Variants in SLC16A6 observed in about 807,000 individuals in gnomAD.
SLC16A6 encodes monocarboxylate transporter 7.
SLC16A6 carries 15 observed loss-of-function variants against 33.8 expected under a neutral mutation model. That is an observed-to-expected ratio of 0.44 (90% CI 0.30 to 0.68). SLC16A6 has a LOEUF of 0.68. SLC16A6 is among the 30% of genes least tolerant of loss of function. SLC16A6 has a pLI of 0.10. For synonymous variants in SLC16A6, 219 were observed against 248.4 expected (o/e 0.88, Z 1.11); for missense variants, 451 against 661.5 (o/e 0.68, Z 3.49).
At chr17:68,270,372 G>A (rs782761507) in intron 5 of SLC16A6, among the ~76,000 whole-genome samples, 9 of 152,016 alleles carry the variant, frequency 5.9e-5, no homozygotes, top group Non-Finnish European at 1.2e-4. Flanking sequence ...TGGCCAACAT[G>A]GTGAAACCCC....
Position 68,281,592 on chromosome 17 carries a change from A to T in SLC16A6, c.-7-3265T>A, listed in dbSNP as rs150606383. On this transcript the variant is annotated intron_variant, in intron 1 of 5. Transcript: ENST00000580666. ...CTGTCTCAAATAAATAAATAAATAA[A>T]TAAAATGGGTGAATAATCTGAGCAG... Among the ~76,000 whole-genome samples, 9 of 152,276 alleles carry T rather than the reference A, an allele frequency of 5.9e-5. No individual in the cohort carries two copies. In the East Asian group the frequency reaches 1.7e-3, roughly 29 times the overall value.
chr17:68,287,955 C>T (rs899430472), intron 1 of SLC16A6, among the ~76,000 whole-genome samples: 7 of 142,494 alleles, frequency 4.9e-5, no homozygotes, highest in African/African-American at 1.8e-4. Flanking sequence ...CTCTCTCTTT[C>T]TCTCTCTCTC....
Position 68,271,788 on chromosome 17 carries a change from A to G in SLC16A6, c.506-134T>C, listed in dbSNP as rs2075348227. The G allele has an allele frequency of 4.5e-6, 3 of 668,650 alleles. No individual in the cohort carries two copies. Among genetic ancestry groups the G allele is most frequent in the African/African-American group, 3.6e-5 (2 of 54,832 alleles). 41.4% of individuals were successfully genotyped at this position (668,650 alleles called of 1,614,324 possible). ...GTGGAAATTTATTATACTCAGCAGTATGAATGTACTCAATCTTTATTTATT... is the reference window on the plus strand; with the variant it reads ...GTGGAAATTTATTATACTCAGCAGTGTGAATGTACTCAATCTTTATTTATT... On this transcript the variant is annotated intron_variant, in intron 4 of 5. Transcript: ENST00000580666. The surrounding 1 kb of genome is among the most constrained non-coding windows in gnomAD (Gnocchi z 5.3).
rs1319946002 is a variant in SLC16A6 at position 68,267,625 on chromosome 17, C to T, written c.*1471G>A. 6.6e-6 allele frequency: 1 copy of T among 152,124 alleles called. No individual in the cohort carries two copies. Among genetic ancestry groups the T allele is most frequent in the Admixed American group, 6.6e-5 (1 of 15,266 alleles). 9.4% of individuals were successfully genotyped at this position (152,124 alleles called of 1,614,324 possible). A position where few individuals can be genotyped will look rare whatever the true frequency, so the allele number is the denominator to read the frequency against. ...TAAAGATGGAGCAGCAAGCATTGACCATCACCTGCAGGGTGAGATTGTGGT... is the reference window on the plus strand; with the variant it reads ...TAAAGATGGAGCAGCAAGCATTGACTATCACCTGCAGGGTGAGATTGTGGT... On this transcript the variant is annotated 3_prime_UTR_variant, in exon 6 of 6. Transcript: ENST00000580666.
At chr17:68,281,951 C>T (rs2075708906) in intron 1 of SLC16A6, among the ~76,000 whole-genome samples, 1 of 152,152 alleles carries the variant, frequency 6.6e-6, no homozygotes, top group Non-Finnish European at 1.5e-5. Flanking sequence ...GGCAATTCCT[C>T]AAGGATCTAG....
chr17:68,281,788 A>G (rs2075703998), intron 1 of SLC16A6, among the ~76,000 whole-genome samples: 1 of 152,204 alleles, frequency 6.6e-6, no homozygotes, highest in South Asian at 2.1e-4. Flanking sequence ...GGATGCGGAG[A>G]AAAGAACTCT....
chr17:68,267,648 G>A lies in SLC16A6; in HGVS notation c.*1448C>T, dbSNP rs1419962436. ...ACCATCACCTGCAGGGTGAGATTGT[G>A]GTAAAATAGGTGAGTAAAAAGTCCA... On this transcript the variant is annotated 3_prime_UTR_variant, in exon 6 of 6. Coordinates refer to ENST00000580666, the MANE Select transcript of SLC16A6 (RefSeq NM_004694.5). The A allele has an allele frequency of 1.3e-5, 2 of 152,072 alleles. No individual in the cohort carries two copies. The highest frequency in any genetic ancestry group is 4.8e-5 in the African/African-American group (2 of 41,398). 9.4% of individuals were successfully genotyped at this position (152,072 alleles called of 1,614,324 possible).
At chr17:68,291,390 T>C (rs1555755881), upstream of SLC16A6, 1 of 145,476 alleles carries the variant, frequency 6.9e-6, no homozygotes, top group Non-Finnish European at 1.5e-5. Context: ...TCTTATCCTA[T>C]ACCGGCTGCA....
chr17:68,285,090 G>A (rs1320831233), intron 1 of SLC16A6, among the ~76,000 whole-genome samples: 2 of 152,200 alleles, frequency 1.3e-5, no homozygotes, highest in African/African-American at 2.4e-5. Flanking sequence ...TGATGATGAT[G>A]CTAAGGAAAA....
intron 1 of SLC16A6, among the ~76,000 whole-genome samples, chr17:68,290,055 A>G (rs536556242): frequency 8.5e-5 from 13 of 152,286 alleles, no homozygotes; most frequent in African/African-American, 3.1e-4. Flanking sequence ...CATCTTTTTT[A>G]CAAGCAAGAC....
chr17:68,269,906 C>G (rs1353405666), intron 5 of SLC16A6, among the ~76,000 whole-genome samples: 2 of 151,920 alleles, frequency 1.3e-5, no homozygotes, highest in African/African-American at 4.8e-5. Flanking sequence ...CTCCTGACCT[C>G]AAATGATCCG....
intron 1 of SLC16A6, among the ~76,000 whole-genome samples, chr17:68,288,199 A>C (rs1421403574): frequency 6.6e-6 from 1 of 151,372 alleles, no homozygotes; most frequent in Non-Finnish European, 1.5e-5. Flanking sequence ...ACAGGGTTTC[A>C]CCATGTTGGT....
Position 68,271,184 on chromosome 17 carries a change from G to A in SLC16A6, c.976C>T (p.Gln326Ter). The stretch of plus-strand genomic sequence containing the variant: ...GATAATAAAAAAGCAGCGCGGTCCT[G>A]GTCAATGCCCAGACTAATGCCCAGA... ...IPLGISLGID[Q>*]DRAAFLLSTM... Residue 326 changes from glutamine to a stop codon, truncating the protein, a stop_gained, in exon 5 of 6, where the codon CAG becomes TAG. Transcript: ENST00000580666. LOFTEE classifies it high-confidence loss of function. The surrounding 1 kb of genome is among the most constrained non-coding windows in gnomAD (Gnocchi z 5.3). The A allele has an allele frequency of 6.2e-7, 1 of 1,614,012 alleles. No homozygotes were observed. The highest frequency in any genetic ancestry group is 8.5e-7 in the Non-Finnish European group (1 of 1,180,044).
chr17:68,290,526 G>A (rs1411485644), intron 1 of SLC16A6, among the ~76,000 whole-genome samples: 1 of 152,220 alleles, frequency 6.6e-6, no homozygotes, highest in African/African-American at 2.4e-5. Flanking sequence ...CGCTCTGCCG[G>A]GAAATCCCCG....
intron 2 of SLC16A6, 47 bp from the exon 3 acceptor site, chr17:68,274,117 G>C: frequency 6.3e-7 from 1 of 1,590,340 alleles, no homozygotes; most frequent in Non-Finnish European, 8.6e-7. Flanking sequence ...GAGGCTTCAG[G>C]GTTAGCTGCC....
rs1555747688 is a variant in SLC16A6, at chr17:68,269,356, A to G, written c.1322-10T>C. On this transcript the variant is annotated splice_polypyrimidine_tract_variant and intron_variant, in intron 5 of 5. Transcript: ENST00000580666. ...TGGTCCACCAACAAACCTGGAAGAG[A>G]GCATGGCGTCCGTTAACAGCATCCT... 1.8e-6 allele frequency: 2 copies of G among 1,112,928 alleles called. No homozygotes were observed. The highest frequency in any genetic ancestry group is 3.2e-5 in the South Asian group (2 of 62,466). 68.9% of individuals were successfully genotyped at this position (1,112,928 alleles called of 1,614,324 possible). A position where few individuals can be genotyped will look rare whatever the true frequency, so the allele number is the denominator to read the frequency against.
At chr17:68,284,500 A>G (rs1044329324) in intron 1 of SLC16A6, among the ~76,000 whole-genome samples, 94 of 152,362 alleles carry the variant, frequency 6.2e-4, no homozygotes, top group African/African-American at 2.1e-3. Flanking sequence ...TATCCTTTAT[A>G]TCCTTTTCCT....
At chr17:68,281,686 C>T (rs188832526) in intron 1 of SLC16A6, among the ~76,000 whole-genome samples, 15 of 152,258 alleles carry the variant, frequency 9.9e-5, no homozygotes, top group East Asian at 7.7e-4. Flanking sequence ...CAAATCATTA[C>T]GGAAATCCAA....
intron 1 of SLC16A6, among the ~76,000 whole-genome samples, chr17:68,288,030 T>C (rs1555754776): frequency 6.7e-6 from 1 of 149,522 alleles, no homozygotes; most frequent in African/African-American, 2.5e-5. Flanking sequence ...GGAGTCTCAG[T>C]CTGTCTCCCA....
Sources: gnomAD v4.1 joint callset for allele counts (sites outside exome capture counted in the v4.1 genomes callset) on GRCh38, gnomAD v4.1.1 for gene constraint, Gnocchi (gnomAD v3.1) non-coding constraint, MANE v1.5 for transcripts, NCBI Gene and HGNC (gene_info 2026-07-23, HGNC 2026-07-21) for gene names.